PDE4D: variants seen among roughly 807,000 people sequenced by gnomAD.
PDE4D encodes the protein phosphodiesterase 4D, also known as 3',5'-cyclic-AMP phosphodiesterase 4D.
Under a neutral mutation model 87.4 loss-of-function variants are expected in PDE4D, and 24 were observed. The observed-to-expected ratio is 0.27, with a 90% CI of 0.20 to 0.39. PDE4D has a LOEUF of 0.39. Ranked by LOEUF, PDE4D falls within the 10% of genes least tolerant of loss-of-function variation. PDE4D has a pLI of 1.00. For synonymous variants in PDE4D, 384 were observed against 383.2 expected (o/e 1.00, Z -0.02); for missense variants, 714 against 1,041.0 (o/e 0.69, Z 4.32).
intron 1 of PDE4D, chr5:60,460,160 T>C (rs371828608): frequency 7.5e-6 from 12 of 1,594,720 alleles, no homozygotes; most frequent in African/African-American, 4.0e-5. Flanking sequence ...TTATTCTGCA[T>C]TTGACTTGAA....
intron 1 of PDE4D, among the ~76,000 whole-genome samples, chr5:59,546,462 C>G (rs1817280859): frequency 6.6e-6 from 1 of 152,026 alleles, no homozygotes. Context: ...AAAATCTAAT[C>G]TCACGAAAAA....
intron 1 of PDE4D, among the ~76,000 whole-genome samples, chr5:59,449,605 G>C (rs951899137): frequency 3.3e-5 from 5 of 152,132 alleles, no homozygotes; most frequent in Non-Finnish European, 5.9e-5. Context: ...TCATAGGACA[G>C]AGAAATGTAT....
intron 1 of PDE4D, among the ~76,000 whole-genome samples, chr5:59,360,617 T>C (rs371695941): frequency 1.1e-4 from 16 of 152,324 alleles, no homozygotes; most frequent in South Asian, 8.3e-4. Context: ...ACATTACTTA[T>C]CAAAATCAAC....
At chr5:60,216,872 T>C (rs1246503725) in intron 1 of PDE4D, among the ~76,000 whole-genome samples, 3 of 152,016 alleles carry the variant, frequency 2.0e-5, no homozygotes, top group Admixed American at 6.6e-5. Flanking sequence ...CTTTCATTAA[T>C]GGATAGAACA....
chr5:58,995,526 G>A (rs1358728974), intron 6 of PDE4D, among the ~76,000 whole-genome samples: 1 of 152,040 alleles, frequency 6.6e-6, no homozygotes, highest in Non-Finnish European at 1.5e-5. Context: ...GTAAATTATG[G>A]GCTATCATAT....
intron 5 of PDE4D, among the ~76,000 whole-genome samples, chr5:59,102,415 A>C (rs1770909552): frequency 6.6e-6 from 1 of 152,084 alleles, no homozygotes; most frequent in Non-Finnish European, 1.5e-5. Context: ...TAAAATCCAG[A>C]CATGTTTTTA....
In PDE4D at chr5:60,109,657, T is replaced by C. The variant is rs542760601; in HGVS notation, c.42+75900A>G. 4.6e-5 allele frequency among the ~76,000 whole-genome samples: 7 copies of C among 152,298 alleles called. No individual in the cohort carries two copies. In the South Asian group the frequency reaches 1.5e-3, roughly 32 times the overall value. On this transcript the variant is annotated intron_variant, in intron 2 of 16. Coordinates refer to the PDE4D transcript ENST00000502484. ...CTGGATTAAGAAAATGTGGCACATATACACCATGGAATAATAAGCAGACAT... is the reference window on the plus strand; with the variant it reads ...CTGGATTAAGAAAATGTGGCACATACACACCATGGAATAATAAGCAGACAT...
intron 1 of PDE4D, among the ~76,000 whole-genome samples, chr5:59,833,455 C>T (rs1185724319): frequency 6.6e-6 from 1 of 151,960 alleles, no homozygotes; most frequent in African/African-American, 2.4e-5. Flanking sequence ...CTGGGAGATC[C>T]AGAGGGGAAC....
chr5:59,624,735 T>C (rs1830702499), intron 1 of PDE4D, among the ~76,000 whole-genome samples: 1 of 152,240 alleles, frequency 6.6e-6, no homozygotes, highest in Admixed American at 6.5e-5. Context: ...ATTTCTCAAA[T>C]GGTAGAACTC....
chr5:60,236,918 A>G (rs571807197), intron 1 of PDE4D, among the ~76,000 whole-genome samples: 35 of 152,140 alleles, frequency 2.3e-4, no homozygotes, highest in African/African-American at 8.2e-4. Flanking sequence ...TCTGACCTAC[A>G]GAACTGTAAA....
chr5:59,730,939 T>A (rs1039736893), intron 1 of PDE4D, among the ~76,000 whole-genome samples: 1 of 152,166 alleles, frequency 6.6e-6, no homozygotes, highest in Non-Finnish European at 1.5e-5. Flanking sequence ...AAAACCCTTA[T>A]GTTATATTGC....
At chr5:60,057,976 A>G (rs1001464091) in intron 2 of PDE4D, among the ~76,000 whole-genome samples, 2 of 152,014 alleles carry the variant, frequency 1.3e-5, no homozygotes, top group African/African-American at 4.8e-5. Context: ...CTGGAAAGAT[A>G]GATTCTCTAA....
Position 60,197,784 on chromosome 5 carries a change from A to C in PDE4D, c.-89-12097T>G, listed in dbSNP as rs1344903326. On this transcript the variant is annotated intron_variant, in intron 1 of 16. Transcript: ENST00000502484. ...AATTAAAAGAAACATAAACAAGGAAAATAACAGAGCCAAGAAACCAAAGAC... is the reference window on the plus strand; with the variant it reads ...AATTAAAAGAAACATAAACAAGGAACATAACAGAGCCAAGAAACCAAAGAC... 1.3e-5 allele frequency among the ~76,000 whole-genome samples: 2 copies of C among 151,692 alleles called. 1 individual carries two copies.
At chr5:60,506,885 T>C (rs1282260031) in intron 1 of PDE4D, among the ~76,000 whole-genome samples, 2 of 152,036 alleles carry the variant, frequency 1.3e-5, no homozygotes, top group Non-Finnish European at 2.9e-5. Flanking sequence ...ATTATAAAAA[T>C]ATATAGTCTT....
Position 59,141,530 on chromosome 5 carries a change from C to A in PDE4D, c.808+39065G>T, listed in dbSNP as rs78606421. Among the ~76,000 whole-genome samples, 566 of 152,270 alleles carry A rather than the reference C, an allele frequency of 3.7e-3. 8 individuals are homozygous for A. Among genetic ancestry groups the A allele is most frequent in the African/African-American group, 0.013 (533 of 41,546 alleles). On this transcript the variant is annotated intron_variant, in intron 5 of 14. Coordinates refer to ENST00000340635, the MANE Select transcript of PDE4D (RefSeq NM_001104631.2). ...AAAGTAAATGTGGTTAAGAGCCAACCAGGTGAGGCTCCAGGCCTACTGCCT... is the reference window on the plus strand; with the variant it reads ...AAAGTAAATGTGGTTAAGAGCCAACAAGGTGAGGCTCCAGGCCTACTGCCT...
At chr5:59,658,038 A>T (rs1029802327) in intron 1 of PDE4D, among the ~76,000 whole-genome samples, 37 of 152,202 alleles carry the variant, frequency 2.4e-4, no homozygotes, top group African/African-American at 8.4e-4. Context: ...GGGAAAACTG[A>T]AATAATCCTT....
chr5:59,356,306 T>G (rs35278), intron 1 of PDE4D, among the ~76,000 whole-genome samples: 46,346 of 152,072 alleles, frequency 0.3, 7,887 homozygotes, highest in East Asian at 0.41. Context: ...CATGTAATTC[T>G]GCTGGGCAAG....
intron 1 of PDE4D, among the ~76,000 whole-genome samples, chr5:59,776,987 T>C (rs1764142120): frequency 1.3e-5 from 2 of 152,172 alleles, no homozygotes. Context: ...GAATGTAGAC[T>C]CGCCTGGCTC....
chr5:60,022,495 C>A (rs1036532815), intron 2 of PDE4D: 1 of 151,852 alleles, frequency 6.6e-6, no homozygotes, highest in Non-Finnish European at 1.5e-5. Context: ...ATGTGAAAAC[C>A]AATTATGGCT....
Sources: allele counts gnomAD v4.1 joint callset (sites outside exome capture counted in the v4.1 genomes callset), GRCh38; gene constraint gnomAD v4.1.1; transcripts MANE v1.5; gene names NCBI Gene and HGNC (gene_info 2026-07-23, HGNC 2026-07-21).